CAPN13: variants seen among roughly 807,000 people sequenced by gnomAD.
CAPN13 encodes calpain-13.
In CAPN13, 90 loss-of-function variants were observed where a neutral mutation model predicts 98.4. The observed-to-expected ratio is 0.92, with a 90% confidence interval of 0.77 to 1.09. The LOEUF (loss-of-function observed/expected upper bound fraction) is 1.09, where lower values mean the gene tolerates loss of function less well. Ranked by LOEUF, CAPN13 falls within the 50% of genes least tolerant of loss-of-function variation. The pLI is 0.00. For missense variants in CAPN13, 887 were observed against 841.3 expected (o/e 1.05, Z -0.67); for synonymous variants, 330 against 305.5 (o/e 1.08, Z -0.84).
intron 19 of CAPN13, among the ~76,000 whole-genome samples, chr2:30,733,682 G>A (rs890863396): frequency 3.3e-5 from 5 of 152,150 alleles, no homozygotes; most frequent in South Asian, 2.1e-4. Context: ...CAGGCTACAG[G>A]TGGGGGCAAC....
chr2:30,742,236 G>T, intron 14 of CAPN13, 90 bp downstream of exon 14: 2 of 1,407,090 alleles, frequency 1.4e-6, no homozygotes, highest in Non-Finnish European at 2.0e-6. Context: ...TTGGTTGGGG[G>T]CAGCGGGAGG....
At position 30,800,330 on chromosome 2, in the gene CAPN13, A is replaced by G. The variant is rs116026201; in HGVS notation, c.-33+6972T>C. Among the ~76,000 whole-genome samples, 1,106 of 152,324 alleles carry G rather than the reference A, an allele frequency of 7.3e-3. 17 individuals are homozygous for G. Among genetic ancestry groups the G allele is most frequent in the African/African-American group, 0.025 (1,037 of 41,574 alleles). ...GCTTGGCGCAAGAGAGGCAGAAAGC[A>G]GAAGCGACTTACTGAGGTTCCACAG... On this transcript the variant is annotated intron_variant, in intron 1 of 22. Coordinates refer to ENST00000295055, the MANE Select transcript of CAPN13 (RefSeq NM_144575.3).
At chr2:30,770,178 G>C in intron 5 of CAPN13, 135 bp downstream of exon 5, 1 of 1,203,152 alleles carries the variant, frequency 8.3e-7, no homozygotes, top group Non-Finnish European at 1.2e-6. Context: ...ATGGACCTTT[G>C]CACGTGGTGA....
At chr2:30,740,431 A>G (rs1671598603) in intron 15 of CAPN13, among the ~76,000 whole-genome samples, 1 of 152,188 alleles carries the variant, frequency 6.6e-6, no homozygotes, top group African/African-American at 2.4e-5. Context: ...AGTGGTAGAA[A>G]AGATCAGAAG....
chr2:30,799,887 C>T (rs1675089403), intron 1 of CAPN13, among the ~76,000 whole-genome samples: 1 of 152,050 alleles, frequency 6.6e-6, no homozygotes, highest in Admixed American at 6.5e-5. Context: ...TCCTAGCTAA[C>T]ACGGTGAAAC....
chr2:30,777,928 C>T (rs917914163), intron 2 of CAPN13, among the ~76,000 whole-genome samples: 2 of 152,136 alleles, frequency 1.3e-5, no homozygotes, highest in South Asian at 4.1e-4. Flanking sequence ...GCCATTCCAT[C>T]TCGACAAGGC....
chr2:30,754,599 C>G (rs1450800301), intron 8 of CAPN13, among the ~76,000 whole-genome samples: 2 of 152,178 alleles, frequency 1.3e-5, no homozygotes, highest in Non-Finnish European at 2.9e-5. Context: ...GTAGTTCACC[C>G]CACATTTCCA....
At chr2:30,765,315 G>A (rs1395457631) in intron 5 of CAPN13, among the ~76,000 whole-genome samples, 3 of 152,312 alleles carry the variant, frequency 2.0e-5, no homozygotes, top group East Asian at 3.9e-4. Flanking sequence ...TCAGGCAGGA[G>A]ACCCTGGCAT....
At chr2:30,771,396 T>C (rs1673401960) in intron 4 of CAPN13, among the ~76,000 whole-genome samples, 1 of 152,182 alleles carries the variant, frequency 6.6e-6, no homozygotes, top group South Asian at 2.1e-4. Flanking sequence ...TGTCAGGCTG[T>C]TGCATCCAGC....
intron 5 of CAPN13, among the ~76,000 whole-genome samples, chr2:30,767,925 G>A (rs1256671393): frequency 6.6e-6 from 1 of 152,078 alleles, no homozygotes; most frequent in Non-Finnish European, 1.5e-5. Flanking sequence ...GACCTGGCAG[G>A]CCCAGCTTAA....
At chr2:30,781,935 T>C (rs1292332018) in intron 2 of CAPN13, among the ~76,000 whole-genome samples, 1 of 152,224 alleles carries the variant, frequency 6.6e-6, no homozygotes, top group Non-Finnish European at 1.5e-5. Context: ...ATTCTTTTTC[T>C]CTGGAGAACC....
intron 1 of CAPN13, among the ~76,000 whole-genome samples, chr2:30,805,870 T>TC (rs1433420729): frequency 6.7e-6 from 1 of 150,358 alleles, no homozygotes; most frequent in African/African-American, 2.4e-5. Flanking sequence ...CATGGACCCC[T>TC]CCCCCTGCCT....
At chr2:30,790,538 C>T (rs750445042) in intron 1 of CAPN13, among the ~76,000 whole-genome samples, 28 of 152,150 alleles carry the variant, frequency 1.8e-4, no homozygotes, top group Admixed American at 3.3e-4. Context: ...AAGCAGGAGC[C>T]GTGGCTTAGG....
At chr2:30,759,891 A>G (rs2148012522) in intron 7 of CAPN13, among the ~76,000 whole-genome samples, 1 of 152,290 alleles carries the variant, frequency 6.6e-6, no homozygotes, top group South Asian at 2.1e-4. Flanking sequence ...GGAGCCGCAC[A>G]GTCACACATG....
intron 13 of CAPN13, chr2:30,743,096 T>C: frequency 2.2e-6 from 1 of 449,020 alleles, no homozygotes; most frequent in Non-Finnish European, 4.0e-6. Flanking sequence ...AGCTCACGTG[T>C]CATTTCCCTC....
At chr2:30,728,452 C>T (rs1419343296) in intron 22 of CAPN13, among the ~76,000 whole-genome samples, 1 of 151,982 alleles carries the variant, frequency 6.6e-6, no homozygotes, top group African/African-American at 2.4e-5. Flanking sequence ...CCCAACTGGG[C>T]TAAGACATAA....
At chr2:30,801,675 C>T (rs1675288966) in intron 1 of CAPN13, among the ~76,000 whole-genome samples, 1 of 149,018 alleles carries the variant, frequency 6.7e-6, no homozygotes, top group African/African-American at 2.5e-5. Flanking sequence ...AGGCAGAGGC[C>T]AAGACAGAGC....
At chr2:30,806,985 C>T (rs1675667587) in intron 1 of CAPN13, among the ~76,000 whole-genome samples, 1 of 152,186 alleles carries the variant, frequency 6.6e-6, no homozygotes, top group Non-Finnish European at 1.5e-5. Flanking sequence ...ACACAGCCCT[C>T]AAGGTCACAA....
chr2:30,773,496 T>G (rs930794142), intron 4 of CAPN13, among the ~76,000 whole-genome samples: 1 of 151,984 alleles, frequency 6.6e-6, no homozygotes, highest in Non-Finnish European at 1.5e-5. Flanking sequence ...GAGCATGAAA[T>G]TAATAATAAA....
Sources: gnomAD v4.1 joint callset for allele counts (sites outside exome capture counted in the v4.1 genomes callset) on GRCh38, gnomAD v4.1.1 for gene constraint, MANE v1.5 for transcripts, NCBI Gene and HGNC (gene_info 2026-07-23, HGNC 2026-07-21) for gene names.